PABIR3: variants seen among roughly 807,000 people sequenced by gnomAD.
The protein encoded by PABIR3 is PABIR family member 1.
In PABIR3, 20 loss-of-function variants were observed where a neutral mutation model predicts 23.1. The ratio of observed to expected loss-of-function variants is 0.86; its 90% CI spans 0.61 to 1.26. The LOEUF (loss-of-function observed/expected upper bound fraction) is 1.26. Ranked by LOEUF, PABIR3 falls within the 50% of genes most tolerant of loss-of-function variation. The pLI, the probability that PABIR3 is intolerant of heterozygous loss-of-function variation, is 0.00. For missense variants in PABIR3, 189 were observed against 195.4 expected, an observed-to-expected ratio of 0.97 and a Z score of 0.20; for synonymous variants, 69 against 68.5, an observed-to-expected ratio of 1.01 and a Z score of -0.04.
At chrX:134,828,047 C>CTA (rs61129426) in intron 3 of PABIR3, among the ~76,000 whole-genome samples, 6,688 of 49,229 alleles carry the variant, frequency 0.14, 470 homozygotes, top group Middle Eastern at 0.24. Context: ...CTCTCTCTCT[C>CTA]TATATATATA....
intron 3 of PABIR3, among the ~76,000 whole-genome samples, chrX:134,824,668 C>T (rs1387613132): frequency 1.8e-5 from 2 of 110,778 alleles, no homozygotes; most frequent in East Asian, 2.8e-4. Flanking sequence ...GGCGTGGTGG[C>T]GCACGCCTGT....
At chrX:134,850,256 AT>A (rs1406923251) in intron 9 of PABIR3, among the ~76,000 whole-genome samples, 1 of 110,839 alleles carries the variant, frequency 9.0e-6, no homozygotes, top group Non-Finnish European at 1.9e-5. Flanking sequence ...TGAAAAATCT[AT>A]TAAGGTAAGA....
chrX:134,826,034 T>C (rs943198309), intron 3 of PABIR3, among the ~76,000 whole-genome samples: 4 of 110,269 alleles, frequency 3.6e-5, no homozygotes, highest in Admixed American at 9.8e-5. Context: ...GCTGATGATA[T>C]GTATCTGAGT....
At chrX:134,855,659 G>A (rs958935673), downstream of PABIR3, among the ~76,000 whole-genome samples, 1 of 110,744 alleles carries the variant, frequency 9.0e-6, no homozygotes, top group Middle Eastern at 4.2e-3. Flanking sequence ...CTGCCATATG[G>A]GAAAAAGACT....
Position 134,797,810 on chromosome X carries a change from A to ATTT in PABIR3, c.-98+966_-98+968dup, listed in dbSNP as rs200169266. Among the ~76,000 whole-genome samples, 154 of 88,071 alleles carry ATTT rather than the reference A, an allele frequency of 1.7e-3. 1 individual carries two copies. Among genetic ancestry groups the ATTT allele is most frequent in the African/African-American group, 6.2e-3 (147 of 23,580 alleles). 76.5% of individuals were successfully genotyped at this position (88,071 alleles called of 115,157 possible). On this transcript the variant is annotated intron_variant, in intron 1 of 4. Transcript: ENST00000414371. ...ATGCCTCAGCGTGGGTGAGATCTGG[A>ATTT]TTTTTTTTTTTTTTTTTTTTTTAAA...
chrX:134,827,803 C>A (rs73568785), intron 3 of PABIR3, among the ~76,000 whole-genome samples: 1,312 of 109,286 alleles, frequency 0.012, 22 homozygotes, highest in African/African-American at 0.042. Flanking sequence ...TCTTCTCTAT[C>A]TAATGAGTTG....
chrX:134,855,212 A>T (rs1198955640), downstream of PABIR3, among the ~76,000 whole-genome samples: 1 of 110,636 alleles, frequency 9.0e-6, no homozygotes, highest in Non-Finnish European at 1.9e-5. Flanking sequence ...AGGCGGGTGG[A>T]TCACAAGGTC....
chrX:134,842,293 A>G (rs769310439), intron 4 of PABIR3, among the ~76,000 whole-genome samples: 1 of 112,208 alleles, frequency 8.9e-6, no homozygotes, highest in South Asian at 3.7e-4. Flanking sequence ...CTCTCTTGAT[A>G]GTGTCATTTG....
intron 4 of PABIR3, among the ~76,000 whole-genome samples, chrX:134,839,864 C>T (rs2082156701): frequency 8.9e-6 from 1 of 112,856 alleles, no homozygotes; most frequent in South Asian, 3.6e-4. Context: ...GGAGGTGTAC[C>T]CAACAGCTCA....
At chrX:134,837,074 G>C (rs1328603831) in intron 4 of PABIR3, among the ~76,000 whole-genome samples, 1 of 110,733 alleles carries the variant, frequency 9.0e-6, no homozygotes, top group Non-Finnish European at 1.9e-5. Context: ...GGCCGGGCAC[G>C]GTGGCTCACG....
intron 3 of PABIR3, among the ~76,000 whole-genome samples, chrX:134,827,364 G>A (rs1011183339): frequency 2.3e-4 from 25 of 110,709 alleles, no homozygotes; most frequent in African/African-American, 7.9e-4. Context: ...TTTCTACTGG[G>A]AACCTTAGCA....
chrX:134,829,918 G>T (rs1425498173), intron 4 of PABIR3, among the ~76,000 whole-genome samples: 2 of 112,185 alleles, frequency 1.8e-5, no homozygotes, highest in Non-Finnish European at 3.8e-5. Flanking sequence ...TACCCCACAG[G>T]TGGTATTTTT....
chrX:134,810,465 CTCTAG>C (rs773280188), intron 2 of PABIR3: 194 of 752,685 alleles, frequency 2.6e-4, no homozygotes, highest in Non-Finnish European at 3.0e-4. Context: ...AGTCCAGGGA[CTCTAG>C]TCTGTCAGAA....
At chrX:134,828,047 C>CTCTATATATATA (rs1466733144) in intron 3 of PABIR3, among the ~76,000 whole-genome samples, 2 of 49,418 alleles carry the variant, frequency 4.0e-5, no homozygotes, top group African/African-American at 1.6e-4. Flanking sequence ...CTCTCTCTCT[C>CTCTATATATATA]TATATATATA....
At chrX:134,805,897 C>CA (rs1273594150), upstream of PABIR3, among the ~76,000 whole-genome samples, 58 of 96,332 alleles carry the variant, frequency 6.0e-4, no homozygotes, top group East Asian at 9.4e-4. Flanking sequence ...AACTCCGTCT[C>CA]AAAAAAAAAA....
In PABIR3 at chrX:134,849,149, A is replaced by C; in HGVS notation, c.528-18A>C. 1.1e-6 allele frequency: 1 copy of C among 907,183 alleles called. No individual in the cohort carries two copies. Among genetic ancestry groups the C allele is most frequent in the Non-Finnish European group, 1.4e-6 (1 of 704,067 alleles). 74.8% of individuals were successfully genotyped at this position (907,183 alleles called of 1,213,427 possible). On this transcript the variant is annotated intron_variant, in intron 8 of 10. Coordinates refer to ENST00000645433, the MANE Select transcript of PABIR3 (RefSeq NM_001388447.1). ...TTAAAAAAAATTTCTTATAATGATC[A>C]TGATGATTTTATTTTAGAAGAAGTC... is the stretch of plus-strand genomic sequence containing the variant.
At position 134,810,904 on chromosome X, in the gene PABIR3, C is replaced by T. The variant is rs769802387; in HGVS notation, c.110+3196C>T. ...TAACATAGGAATGATGTGTGACATG[C>T]CTGAGGTCAGGGAACTTGCCCAAAT... On this transcript the variant is annotated intron_variant, in intron 2 of 10. Coordinates refer to ENST00000645433, the MANE Select transcript of PABIR3 (RefSeq NM_001388447.1). 1.1e-5 allele frequency: 8 copies of T among 752,187 alleles called. No homozygotes were observed. In the South Asian group the frequency reaches 4.1e-4, roughly 38 times the overall value. The allele number at this position is 752,187 out of a possible 1,213,427, so 62.0% of individuals were successfully genotyped here.
chrX:134,846,446 C>T (rs954920359), intron 6 of PABIR3, among the ~76,000 whole-genome samples: 2 of 111,970 alleles, frequency 1.8e-5, no homozygotes, highest in African/African-American at 3.2e-5. Context: ...TGTCTGTGTG[C>T]ACACTGTGGT....
At chrX:134,845,781 A>G (rs2082412498) in intron 6 of PABIR3, among the ~76,000 whole-genome samples, 1 of 112,187 alleles carries the variant, frequency 8.9e-6, no homozygotes, top group Admixed American at 9.5e-5. Flanking sequence ...TTGTGACACA[A>G]AACCATAGCT....
Sources: gnomAD v4.1 joint callset for allele counts (sites outside exome capture counted in the v4.1 genomes callset) on GRCh38, gnomAD v4.1.1 for gene constraint, MANE v1.5 for transcripts, NCBI Gene and HGNC (gene_info 2026-07-23, HGNC 2026-07-21) for gene names.